Variants in HERC3 observed in about 807,000 individuals in gnomAD.
HERC3 encodes the protein HECT and RLD domain containing E3 ubiquitin protein ligase 3.
In HERC3, 58 loss-of-function variants were observed where a neutral mutation model predicts 129.9. That is an observed-to-expected ratio of 0.45 (90% CI 0.36 to 0.56). The LOEUF (loss-of-function observed/expected upper bound fraction) is 0.56. Ranked by LOEUF, HERC3 falls within the 20% of genes least tolerant of loss-of-function variation. The pLI, the probability that HERC3 is intolerant of heterozygous loss-of-function variation, is 0.00. For missense variants in HERC3, 835 were observed against 1,244.2 expected (o/e 0.67, Z 4.95); for synonymous variants, 430 against 451.0 (o/e 0.95, Z 0.59).
At chr4:88,566,872 C>G in the HERC3 span, among the ~76,000 whole-genome samples, 1 of 152,188 alleles carries the variant, frequency 6.6e-6, no homozygotes, top group Non-Finnish European at 1.5e-5. Context: ...TCATTGCAGC[C>G]TTGACCTCCT....
At chr4:88,600,655 A>G (rs535701148) in intron 2 of HERC3, among the ~76,000 whole-genome samples, 14 of 152,308 alleles carry the variant, frequency 9.2e-5, no homozygotes, top group African/African-American at 3.4e-4. Flanking sequence ...CTATAGCTTC[A>G]TTATGTACTC....
rs145277878 is a variant in HERC3 at position 88,706,913 on chromosome 4, C to A, written c.3106C>A (p.Arg1036=). The A allele has an allele frequency of 2.1e-4, 342 of 1,614,158 alleles. No homozygotes were observed. Among genetic ancestry groups the A allele is most frequent in the Non-Finnish European group, 2.7e-4 (317 of 1,180,014 alleles). ...KYSSKEILSA[R]LTQALDNYEG... ...CAGCAGCAAAGAGATTCTGAGTGCC[C>A]GGCTGACCCAGGCCCTTGACAACTA... The change falls in exon 26 of 26, where the codon CGG becomes AGG. Residue 1036 remains arginine (R), a synonymous_variant. Coordinates refer to ENST00000402738, the MANE Select transcript of HERC3 (RefSeq NM_014606.3).
In HERC3 at chr4:88,655,969, G is replaced by T; in HGVS notation, c.1003G>T (p.Val335Phe). ...GQLGTGHTCN[V>F]KCPSPVKGYW... ...ATTAGGAACTGGGCACACTTGTAAT[G>T]TTAAGTGCCCATCTCCTGTCAAGGG... The change falls in exon 9 of 26, where the codon GTT becomes TTT. Residue 335 changes from valine to phenylalanine, a missense_variant. Coordinates refer to ENST00000402738, the MANE Select transcript of HERC3 (RefSeq NM_014606.3). The T allele has an allele frequency of 1.9e-6, 3 of 1,614,118 alleles. No homozygotes were observed. The highest frequency in any genetic ancestry group is 2.5e-6 in the Non-Finnish European group (3 of 1,179,946).
chr4:88,539,295 T>C, the HERC3 span, among the ~76,000 whole-genome samples: 1 of 152,072 alleles, frequency 6.6e-6, no homozygotes, highest in Non-Finnish European at 1.5e-5. Flanking sequence ...GCGGGTCCCA[T>C]GCCCACAGAG....
the HERC3 span, chr4:88,523,844 C>G: frequency 2.5e-6 from 2 of 787,062 alleles, no homozygotes; most frequent in African/African-American, 3.7e-5. Flanking sequence ...GGGGCGGGCG[C>G]TTTGGTTCCG....
At chr4:88,532,051 A>G in the HERC3 span, among the ~76,000 whole-genome samples, 1 of 152,160 alleles carries the variant, frequency 6.6e-6, no homozygotes, top group Non-Finnish European at 1.5e-5. Flanking sequence ...TCCTAGAACA[A>G]TTTCTTTTTC....
At chr4:88,540,648 A>G in the HERC3 span, among the ~76,000 whole-genome samples, 16 of 152,320 alleles carry the variant, frequency 1.1e-4, no homozygotes, top group Admixed American at 4.6e-4. Flanking sequence ...TAATTGTCAG[A>G]TTCACCAAGG....
At chr4:88,571,871 G>A in the HERC3 span, among the ~76,000 whole-genome samples, 2 of 152,172 alleles carry the variant, frequency 1.3e-5, no homozygotes, top group Non-Finnish European at 2.9e-5. Flanking sequence ...GTGAGTTGGT[G>A]TTATGGGCTG....
At chr4:88,647,404 G>A (rs1578236140) in intron 3 of HERC3, among the ~76,000 whole-genome samples, 1 of 152,198 alleles carries the variant, frequency 6.6e-6, no homozygotes, top group African/African-American at 2.4e-5. Context: ...AAGGCATCAG[G>A]CTAGGCCCCA....
At chr4:88,550,388 T>C in the HERC3 span, among the ~76,000 whole-genome samples, 2 of 152,150 alleles carry the variant, frequency 1.3e-5, no homozygotes, top group Admixed American at 1.3e-4. Flanking sequence ...GAAAACCCCA[T>C]TGTCTCAGCC....
At chr4:88,697,269 CT>C (rs758335633) in intron 23 of HERC3, 31 of 1,581,352 alleles carry the variant, frequency 2.0e-5, no homozygotes, top group Non-Finnish European at 2.6e-5. Context: ...CCGCGGCAGC[CT>C]CTGCCGCAGC....
At chr4:88,636,342 C>T (rs957032384) in intron 3 of HERC3, among the ~76,000 whole-genome samples, 1 of 152,028 alleles carries the variant, frequency 6.6e-6, no homozygotes, top group Non-Finnish European at 1.5e-5. Flanking sequence ...GCAGGGGTTG[C>T]AATCCTAGTC....
chr4:88,546,242 A>C, the HERC3 span, among the ~76,000 whole-genome samples: 110 of 152,282 alleles, frequency 7.2e-4, no homozygotes, highest in Middle Eastern at 6.8e-3. Flanking sequence ...GTCTAACAGA[A>C]GTTGCACCAG....
chr4:88,533,612 A>C, the HERC3 span, among the ~76,000 whole-genome samples: 1 of 152,300 alleles, frequency 6.6e-6, no homozygotes, highest in East Asian at 1.9e-4. Context: ...CAGCATGCCA[A>C]AAGCCTTTGT....
Position 88,704,298 on chromosome 4 carries a change from C to T in HERC3, c.2841+17C>T, listed in dbSNP as rs772676743. On this transcript the variant is annotated intron_variant, in intron 24 of 25. Coordinates refer to ENST00000402738, the MANE Select transcript of HERC3 (RefSeq NM_014606.3). Reference sequence around the variant, plus strand: ...CTGGAAGAGGTAAGCACAAAAGATCCTTTAACTCCTTTAACTCCGGCGAAG... The same window carrying T: ...CTGGAAGAGGTAAGCACAAAAGATCTTTTAACTCCTTTAACTCCGGCGAAG... The T allele has an allele frequency of 6.2e-7, 1 of 1,608,754 alleles. No homozygotes were observed. Among genetic ancestry groups the T allele is most frequent in the African/African-American group, 1.3e-5 (1 of 74,744 alleles).
the HERC3 span, chr4:88,527,783 T>A: frequency 3.1e-6 from 1 of 322,262 alleles, no homozygotes; most frequent in Non-Finnish European, 6.1e-6. Flanking sequence ...CTGCCGGTTA[T>A]CCTCCTTGCT....
intron 25 of HERC3, 138 bp downstream of exon 25, chr4:88,704,748 T>C (rs1578359553): frequency 1.6e-6 from 1 of 621,814 alleles, no homozygotes; most frequent in East Asian, 2.8e-5. Flanking sequence ...ATGCTTTTTG[T>C]CTTAATGTTA....
intron 22 of HERC3, 135 bp from the exon 23 acceptor site, chr4:88,687,082 G>T: frequency 7.3e-6 from 5 of 689,356 alleles, no homozygotes; most frequent in South Asian, 2.0e-5. Flanking sequence ...CTCAAGTTCT[G>T]ATTATTCTCC....
At chr4:88,588,833 G>A (rs1721592390), upstream of HERC3, among the ~76,000 whole-genome samples, 1 of 152,246 alleles carries the variant, frequency 6.6e-6, no homozygotes, top group South Asian at 2.1e-4. Context: ...ATGTGTTCAG[G>A]TAGAAGTGCA....
Sources: gnomAD v4.1 joint callset for allele counts (sites outside exome capture counted in the v4.1 genomes callset) on GRCh38, gnomAD v4.1.1 for gene constraint, MANE v1.5 for transcripts, NCBI Gene and HGNC (gene_info 2026-07-23, HGNC 2026-07-21) for gene names.